The following COG4 variants were observed in gnomAD, a reference collection of about 807,000 sequenced individuals.
COG4 encodes conserved oligomeric Golgi complex subunit 4.
In COG4, 65 loss-of-function variants were observed where a neutral mutation model predicts 95.1. The observed-to-expected ratio is 0.68, with a 90% CI of 0.56 to 0.84. COG4 has a LOEUF of 0.84. Ranked by LOEUF, COG4 falls within the 40% of genes least tolerant of loss-of-function variation. The pLI is 0.00. For synonymous variants in COG4, 421 were observed against 374.8 expected (o/e 1.12, Z -1.42); for missense variants, 1,045 against 989.1 (o/e 1.06, Z -0.76).
intron 3 of COG4, among the ~76,000 whole-genome samples, chr16:70,516,297 T>C (rs2049820973): frequency 6.8e-6 from 1 of 147,792 alleles, no homozygotes; most frequent in Non-Finnish European, 1.5e-5. Context: ...TTTTGTTGAG[T>C]TAAATTTTTT....
chr16:70,494,464 A>T (rs1311875617), intron 12 of COG4, among the ~76,000 whole-genome samples: 1 of 152,230 alleles, frequency 6.6e-6, no homozygotes, highest in Non-Finnish European at 1.5e-5. Flanking sequence ...ACTTGGTGTC[A>T]GGAAAACCAG....
chr16:70,481,498 A>AC lies in COG4; in HGVS notation c.2107-12dup. 6.2e-7 allele frequency: 1 copy of AC among 1,610,780 alleles called. No homozygotes were observed. Among genetic ancestry groups the AC allele is most frequent in the South Asian group, 1.1e-5 (1 of 91,076 alleles). Reference sequence around the variant, plus strand: ...CTGCAGACCACCCAGCTGCAGGAGAACCCAAGCCCAGTCACTACTTAGGCC... The same window carrying AC: ...CTGCAGACCACCCAGCTGCAGGAGAACCCCAAGCCCAGTCACTACTTAGGCC... On this transcript the variant is annotated splice_polypyrimidine_tract_variant and intron_variant, in intron 17 of 18. Coordinates refer to ENST00000323786, the MANE Select transcript of COG4 (RefSeq NM_015386.3).
rs754874232 is a variant in COG4 at position 70,512,295 on chromosome 16, G to A, written c.682C>T (p.Leu228=). ...QVERFFKIFP[L]LGLHEEGLRK... is the part of the protein sequence containing the mutation. ...AATCCCTCCTCATGCAAACCCAGCA[G>A]TGGGAAGATCTTGAAGAAGCGCTCC... Residue 228 remains leucine, a synonymous_variant, in exon 5 of 19, where the codon CTG becomes TTG. Coordinates refer to ENST00000323786, the MANE Select transcript of COG4 (RefSeq NM_015386.3). 1.5e-5 allele frequency: 24 copies of A among 1,614,078 alleles called. No individual in the cohort carries two copies. The South Asian group carries it at 1.5e-4, about 10-fold the overall frequency.
intron 8 of COG4, among the ~76,000 whole-genome samples, chr16:70,504,090 C>T (rs2049509444): frequency 6.6e-6 from 1 of 152,214 alleles, no homozygotes; most frequent in Non-Finnish European, 1.5e-5. Flanking sequence ...TTTCTAGCTG[C>T]ATGACCTTGG....
At chr16:70,485,997 G>A (rs959777965) in intron 13 of COG4, among the ~76,000 whole-genome samples, 19 of 151,214 alleles carry the variant, frequency 1.3e-4, no homozygotes, top group Non-Finnish European at 2.6e-4. Context: ...CTGGGTTCAC[G>A]CCATTCTCCT....
chr16:70,483,429 G>A (rs1395962352), intron 14 of COG4, among the ~76,000 whole-genome samples: 1 of 151,364 alleles, frequency 6.6e-6, no homozygotes, highest in East Asian at 2.0e-4. Flanking sequence ...GGAGGAGCCA[G>A]GAACATGCCC....
At chr16:70,507,777 G>A (rs1054059475) in intron 8 of COG4, among the ~76,000 whole-genome samples, 8 of 151,026 alleles carry the variant, frequency 5.3e-5, no homozygotes, top group East Asian at 2.0e-4. Flanking sequence ...GAGGAGAATC[G>A]CTTGAACCTG....
At chr16:70,488,786 G>A (rs946118781) in intron 13 of COG4, among the ~76,000 whole-genome samples, 1 of 147,966 alleles carries the variant, frequency 6.8e-6, no homozygotes. Context: ...CCTGACCTCA[G>A]GTGATCCACC....
At chr16:70,484,003 A>C (rs2049074084) in intron 13 of COG4, 34 bp from the exon 14 acceptor site, 1 of 1,490,892 alleles carries the variant, frequency 6.7e-7, no homozygotes, top group South Asian at 1.1e-5. Context: ...ACCACCGAGC[A>C]CGCGTGGGCC....
In COG4 at chr16:70,480,974, G is replaced by T; in HGVS notation, c.*36C>A. On this transcript the variant is annotated 3_prime_UTR_variant, in exon 19 of 19. Transcript: ENST00000323786. Reference sequence around the variant, plus strand: ...CTGGGGCCCCTTAGGGAACAGGCCTGCAAGTGTGATGAGCCAGGTGTGCTC... The same window carrying T: ...CTGGGGCCCCTTAGGGAACAGGCCTTCAAGTGTGATGAGCCAGGTGTGCTC... 1 of 1,609,958 alleles carries T rather than the reference G, an allele frequency of 6.2e-7. No individual in the cohort carries two copies.
intron 8 of COG4, chr16:70,501,381 T>G: frequency 5.3e-6 from 2 of 374,898 alleles, no homozygotes; most frequent in Non-Finnish European, 1.0e-5. Flanking sequence ...TGAGATGGAG[T>G]CTTGCTCTGT....
In COG4 at chr16:70,509,476, G is replaced by A. The variant is rs117020450; in HGVS notation, c.845-88C>T. The A allele has an allele frequency of 0.014, 19,753 of 1,456,736 alleles. 195 individuals carry two copies. The highest frequency in any genetic ancestry group is 0.017 in the Non-Finnish European group (17,910 of 1,047,778). The allele number at this position is 1,456,736 out of a possible 1,614,324, so 90.2% of individuals were successfully genotyped here. On this transcript the variant is annotated intron_variant, in intron 6 of 18. Coordinates refer to ENST00000323786, the MANE Select transcript of COG4 (RefSeq NM_015386.3). ...CCATCCAGGACTAACCGAAGGTCTAGCTCAATCCTTTTGGCTGCTTCACTT... is the reference window on the plus strand; with the variant it reads ...CCATCCAGGACTAACCGAAGGTCTAACTCAATCCTTTTGGCTGCTTCACTT...
intron 13 of COG4, 113 bp from the exon 14 acceptor site, chr16:70,484,082 T>C: frequency 1.2e-6 from 1 of 819,610 alleles, no homozygotes; most frequent in Non-Finnish European, 2.1e-6. Flanking sequence ...AGAGCCCGGA[T>C]GGGTTTCAGA....
At position 70,503,617 on chromosome 16, in the gene COG4, C is replaced by T. The variant is rs1263027138; in HGVS notation, c.1062-2526G>A. Among the ~76,000 whole-genome samples, 8 of 126,118 alleles carry T rather than the reference C, an allele frequency of 6.3e-5. 1 individual carries two copies. Among genetic ancestry groups the T allele is most frequent in the African/African-American group, 1.9e-4 (4 of 21,138 alleles). 82.7% of individuals were successfully genotyped at this position (126,118 alleles called of 152,430 possible). On this transcript the variant is annotated intron_variant, in intron 8 of 18. Transcript: ENST00000323786. ...ACTCTTTTTTTTTTTTTTTTTGAGACGGAGTCTCACTCTGTCGCCCAGGCT... is the reference window on the plus strand; with the variant it reads ...ACTCTTTTTTTTTTTTTTTTTGAGATGGAGTCTCACTCTGTCGCCCAGGCT...
At chr16:70,495,397 C>CAAAAAAAAAAAAA (rs11382671) in intron 12 of COG4, among the ~76,000 whole-genome samples, 6 of 111,324 alleles carry the variant, frequency 5.4e-5, no homozygotes, top group African/African-American at 2.1e-4. Context: ...GACTCCATCT[C>CAAAAAAAAAAAAA]AAAAAAAAAA....
In COG4 at chr16:70,514,367, G is replaced by A. The variant is rs772532917; in HGVS notation, c.512C>T (p.Ser171Leu). Residue 171 changes from serine to leucine, a missense_variant, in exon 4 of 19, where the codon TCG becomes TTG. Physicochemically the swap from Ser to Leu is moderately radical, Grantham distance 145 (BLOSUM62 -2). Coordinates refer to ENST00000323786, the MANE Select transcript of COG4 (RefSeq NM_015386.3). ...GCCCTGTCGGCTGAGCTCAATGACCGACTTGTCCAGGCACAAGTAGCGATG... is the reference window on the plus strand; with the variant it reads ...GCCCTGTCGGCTGAGCTCAATGACCAACTTGTCCAGGCACAAGTAGCGATG... ...HTHRYLCLDK[S>L]VIELSRQGKE... 25 of 1,614,014 alleles carry A rather than the reference G, an allele frequency of 1.5e-5. No homozygotes were observed. Among genetic ancestry groups the A allele is most frequent in the South Asian group, 9.9e-5 (9 of 91,066 alleles).
intron 13 of COG4, 30 bp from the exon 14 acceptor site, chr16:70,483,999 G>C (rs751872617): frequency 1.3e-6 from 2 of 1,502,214 alleles, no homozygotes; most frequent in Non-Finnish European, 1.8e-6. Flanking sequence ...TAAGACCACC[G>C]AGCACGCGTG....
At chr16:70,494,752 T>A (rs1399972617) in intron 12 of COG4, among the ~76,000 whole-genome samples, 1 of 152,092 alleles carries the variant, frequency 6.6e-6, no homozygotes, top group Non-Finnish European at 1.5e-5. Context: ...GTAAAAAAAA[T>A]CACAAACAAA....
In COG4 at chr16:70,489,542, AG is replaced by A. The variant is rs965828003; in HGVS notation, c.1710+787del. 7.5e-5 allele frequency among the ~76,000 whole-genome samples: 11 copies of A among 146,738 alleles called. No individual in the cohort carries two copies. The South Asian group carries it at 8.5e-4, about 11-fold the overall frequency. The stretch of plus-strand genomic sequence containing the variant: ...TTGATCCTGATTTAAAAAAAAAAAA[AG>A]TTTTTTTTTTTTTTGTAGAGATGAG... On this transcript the variant is annotated intron_variant, in intron 13 of 18. Transcript: ENST00000323786.
Sources: allele counts gnomAD v4.1 joint callset (sites outside exome capture counted in the v4.1 genomes callset), GRCh38; gene constraint gnomAD v4.1.1; transcripts MANE v1.5; gene names NCBI Gene and HGNC (gene_info 2026-07-23, HGNC 2026-07-21).